The following FAM222B variants were observed in gnomAD, a reference collection of about 807,000 sequenced individuals.
FAM222B encodes the protein protein FAM222B.
In FAM222B, 12 loss-of-function variants were observed where a neutral mutation model predicts 38.0. The observed-to-expected ratio is 0.32, with a 90% CI of 0.20 to 0.51. FAM222B has a LOEUF of 0.51. Ranked by LOEUF, FAM222B falls within the 20% of genes least tolerant of loss-of-function variation. FAM222B has a pLI of 0.97. For missense variants in FAM222B, 716 were observed against 754.2 expected (o/e 0.95, Z 0.59); for synonymous variants, 329 against 317.2 (o/e 1.04, Z -0.40).
chr17:28,809,463 C>A (rs781540118), intron 1 of FAM222B, among the ~76,000 whole-genome samples: 4 of 152,060 alleles, frequency 2.6e-5, no homozygotes, highest in Non-Finnish European at 4.4e-5. Context: ...AGCACTATGC[C>A]CCCTCAACCT....
At chr17:28,773,968 T>C (rs908981419) in intron 1 of FAM222B, among the ~76,000 whole-genome samples, 5 of 151,022 alleles carry the variant, frequency 3.3e-5, no homozygotes, top group African/African-American at 1.2e-4. Context: ...GTCATGAGGG[T>C]TGTGATGAAA....
At chr17:28,854,409 A>G (rs986902672) in intron 1 of FAM222B, among the ~76,000 whole-genome samples, 4 of 152,208 alleles carry the variant, frequency 2.6e-5, no homozygotes, top group African/African-American at 9.6e-5. Flanking sequence ...TTCTCCATAA[A>G]GGAATGACCT....
intron 2 of FAM222B, chr17:28,761,839 A>G (rs1381396911): frequency 2.0e-5 from 3 of 152,216 alleles, no homozygotes; most frequent in African/African-American, 7.2e-5. Flanking sequence ...CAGAATTCCA[A>G]CAGAAGCTGC....
At chr17:28,788,066 C>T (rs909733834) in intron 1 of FAM222B, among the ~76,000 whole-genome samples, 9 of 152,040 alleles carry the variant, frequency 5.9e-5, no homozygotes, top group Non-Finnish European at 1.2e-4. Context: ...TCAGGTGATC[C>T]GCCCGCCTCG....
chr17:28,850,209 G>T lies in FAM222B; in HGVS notation c.-41+4741C>A, dbSNP rs191504484. Among the ~76,000 whole-genome samples, 15 of 152,220 alleles carry T rather than the reference G, an allele frequency of 9.9e-5. 1 individual carries two copies. Among genetic ancestry groups the T allele is most frequent in the Middle Eastern group, 3.4e-3 (1 of 294 alleles). ...TGATAGCATGAGGGGCCAGCGGGCA[G>T]GGATTGCGATTTGAATTTCTGAACT... On this transcript the variant is annotated intron_variant, in intron 1 of 2. Transcript: ENST00000577513.
At chr17:28,834,822 AAAAAAAAG>A (rs772369116) in intron 1 of FAM222B, 5 of 150,970 alleles carry the variant, frequency 3.3e-5, no homozygotes, top group Admixed American at 2.0e-4. Flanking sequence ...GCTAGCCTTA[AAAAAAAAG>A]AAAAAAAGAA....
intron 1 of FAM222B, among the ~76,000 whole-genome samples, chr17:28,841,281 G>T: frequency 6.6e-6 from 1 of 152,158 alleles, no homozygotes; most frequent in East Asian, 1.9e-4. Context: ...GCGACAGAGC[G>T]AGACTCCGTC....
intron 1 of FAM222B, among the ~76,000 whole-genome samples, chr17:28,795,063 A>G (rs897891286): frequency 2.6e-5 from 4 of 151,776 alleles, no homozygotes; most frequent in Non-Finnish European, 5.9e-5. Context: ...ACTGCACTTC[A>G]GCCTGGGCAA....
rs1032060282 is a variant in FAM222B, at chr17:28,757,076, G to A, written c.*1194C>T. 2 of 152,648 alleles carry A rather than the reference G, an allele frequency of 1.3e-5. No homozygotes were observed. Among genetic ancestry groups the A allele is most frequent in the Non-Finnish European group, 2.9e-5 (2 of 68,050 alleles). The allele number at this position is 152,648 out of a possible 1,614,324, so 9.5% of individuals were successfully genotyped here. A position where few individuals can be genotyped will look rare whatever the true frequency, so the allele number is the denominator to read the frequency against. ...GGATGAGACGTGCTGAGCATGGAGT[G>A]GATGAAGGTATGCTCTAAGAATGGA... On this transcript the variant is annotated 3_prime_UTR_variant, in exon 3 of 3. Transcript: ENST00000581407.
chr17:28,778,404 T>C (rs562746553), intron 1 of FAM222B, among the ~76,000 whole-genome samples: 77 of 152,110 alleles, frequency 5.1e-4, no homozygotes, highest in African/African-American at 1.7e-3. Context: ...GCTTCGTTCA[T>C]GTCCCTGCAA....
intron 1 of FAM222B, among the ~76,000 whole-genome samples, chr17:28,829,218 CTT>C (rs58425199): frequency 8.6e-4 from 121 of 140,820 alleles, no homozygotes; most frequent in Middle Eastern, 3.6e-3. Flanking sequence ...TCTCTCTACT[CTT>C]TTTTTTTTTT....
At chr17:28,783,117 G>A (rs1218056770) in intron 1 of FAM222B, among the ~76,000 whole-genome samples, 2 of 145,546 alleles carry the variant, frequency 1.4e-5, no homozygotes, top group Non-Finnish European at 3.0e-5. Flanking sequence ...CAGCGTGGGT[G>A]ACAGAGCGAG....
chr17:28,790,884 C>CTTTTTTTTTTTTTTTTTTTTTTT (rs60664262), intron 1 of FAM222B, among the ~76,000 whole-genome samples: 2 of 86,084 alleles, frequency 2.3e-5, no homozygotes, highest in Non-Finnish European at 4.3e-5. Context: ...AATTGTTTCA[C>CTTTTTTTTTTTTTTTTTTTTTTT]TTTTTTTTTT....
chr17:28,808,150 G>A (rs918885435), intron 1 of FAM222B, among the ~76,000 whole-genome samples: 2 of 152,160 alleles, frequency 1.3e-5, no homozygotes, highest in African/African-American at 4.8e-5. Context: ...CAAGAGCTGT[G>A]TTACCACTGG....
chr17:28,796,074 T>C (rs1434961884), intron 1 of FAM222B, among the ~76,000 whole-genome samples: 1 of 152,142 alleles, frequency 6.6e-6, no homozygotes, highest in Non-Finnish European at 1.5e-5. Flanking sequence ...GAAAAAGAAA[T>C]AACTGCAGTG....
chr17:28,814,899 G>A (rs972611953), intron 1 of FAM222B, among the ~76,000 whole-genome samples: 3 of 147,614 alleles, frequency 2.0e-5, no homozygotes, highest in South Asian at 2.2e-4. Flanking sequence ...TCAGCTTCCC[G>A]AGTAGCTGGG....
At chr17:28,829,560 T>C (rs1281937295) in intron 1 of FAM222B, among the ~76,000 whole-genome samples, 3 of 152,198 alleles carry the variant, frequency 2.0e-5, no homozygotes, top group African/African-American at 7.2e-5. Context: ...ATCATACAAA[T>C]GCAATCATAC....
In FAM222B at chr17:28,759,345, G is replaced by C; in HGVS notation, c.614C>G (p.Thr205Ser). 2 of 1,610,224 alleles carry C rather than the reference G, an allele frequency of 1.2e-6. No individual in the cohort carries two copies. The highest frequency in any genetic ancestry group is 1.7e-6 in the Non-Finnish European group (2 of 1,178,570). The change falls in exon 3 of 3, where the codon ACC becomes AGC. Residue 205 changes from threonine to serine, a missense_variant. Coordinates refer to ENST00000581407, the MANE Select transcript of FAM222B (RefSeq NM_001077498.3). The surrounding 1 kb of genome is among the most constrained non-coding windows in gnomAD (Gnocchi z 4.8). ...GGCCTGAGGGTGGACCAAGCCCTGGGTTTGGGCCATGGGCTGAGGGTGGCC... is the reference window on the plus strand; with the variant it reads ...GGCCTGAGGGTGGACCAAGCCCTGGCTTTGGGCCATGGGCTGAGGGTGGCC... Reference protein sequence around the residue: ...GLGHPQPMAQTQGLVHPQALA... With the variant: ...GLGHPQPMAQSQGLVHPQALA...
At chr17:28,819,163 A>C (rs1439839340) in intron 1 of FAM222B, among the ~76,000 whole-genome samples, 1 of 152,218 alleles carries the variant, frequency 6.6e-6, no homozygotes, top group Non-Finnish European at 1.5e-5. Flanking sequence ...TCAAATAATC[A>C]AGGCAAACAA....
Sources: gnomAD v4.1 joint callset for allele counts (sites outside exome capture counted in the v4.1 genomes callset) on GRCh38, gnomAD v4.1.1 for gene constraint, Gnocchi (gnomAD v3.1) non-coding constraint, MANE v1.5 for transcripts, NCBI Gene and HGNC (gene_info 2026-07-23, HGNC 2026-07-21) for gene names.